Variants in KLF8 observed in about 807,000 individuals in gnomAD.
KLF8 encodes Krueppel-like factor 8.
Under a neutral mutation model 18.2 loss-of-function variants are expected in KLF8, and 10 were observed. The observed-to-expected ratio is 0.55, with a 90% CI of 0.34 to 0.93. The LOEUF is 0.93. Among genes scored for constraint, KLF8 ranks in the 40% least tolerant of loss-of-function variants. The pLI, the probability that KLF8 is intolerant of heterozygous loss-of-function variation, is 0.02. For synonymous variants in KLF8, 109 were observed against 97.3 expected, an observed-to-expected ratio of 1.12 and a Z score of -0.71; for missense variants, 264 against 277.9, an observed-to-expected ratio of 0.95 and a Z score of 0.36.
chrX:56,212,391 G>C, the KLF8 span, among the ~76,000 whole-genome samples: 1 of 112,141 alleles, frequency 8.9e-6, no homozygotes, highest in Non-Finnish European at 1.9e-5. Context: ...TAGGATTCAC[G>C]TAAGTGTTGC....
chrX:56,269,302 C>A, intron 3 of KLF8, 76 bp from the exon 4 acceptor site: 1 of 1,067,888 alleles, frequency 9.4e-7, no homozygotes, highest in Non-Finnish European at 1.2e-6. Flanking sequence ...TAAGGTGGGA[C>A]AAACTGGGAA....
the KLF8 span, among the ~76,000 whole-genome samples, chrX:56,109,835 G>C: frequency 9.1e-6 from 1 of 109,307 alleles, no homozygotes; most frequent in Non-Finnish European, 1.9e-5. Flanking sequence ...GTGTAGGTTT[G>C]TTACATAGAT....
At chrX:56,214,610 C>T in the KLF8 span, among the ~76,000 whole-genome samples, 1 of 112,242 alleles carries the variant, frequency 8.9e-6, no homozygotes, top group Non-Finnish European at 1.9e-5. Context: ...CAGATACATG[C>T]TTAAAGAGAT....
intron 5 of KLF8, among the ~76,000 whole-genome samples, chrX:56,279,772 G>A (rs1432658845): frequency 8.9e-6 from 1 of 111,951 alleles, no homozygotes; most frequent in Non-Finnish European, 1.9e-5. Context: ...TTGGGTGACT[G>A]GGTGAATGGA....
At chrX:56,009,483 T>C in the KLF8 span, among the ~76,000 whole-genome samples, 1 of 110,429 alleles carries the variant, frequency 9.1e-6, no homozygotes, top group Non-Finnish European at 1.9e-5. Context: ...AAGCTAAATA[T>C]AAACTCATGA....
chrX:56,270,398 GA>G lies in KLF8; in HGVS notation c.898+78del, dbSNP rs1393073915. The stretch of plus-strand genomic sequence containing the variant: ...CACACACACGAGAGAGAGAGAGAGA[GA>G]GGGGCAGAGAGAGAGAGAGAGAGGG... On this transcript the variant is annotated intron_variant, in intron 5 of 5. Transcript: ENST00000468660. 30 of 997,609 alleles carry G rather than the reference GA, an allele frequency of 3.0e-5. No homozygotes were observed. The East Asian group carries it at 8.1e-4, about 27-fold the overall frequency. 82.2% of individuals were successfully genotyped at this position (997,609 alleles called of 1,213,427 possible). A position where few individuals can be genotyped will look rare whatever the true frequency, so the allele number is the denominator to read the frequency against.
the KLF8 span, among the ~76,000 whole-genome samples, chrX:56,227,268 A>G: frequency 3.6e-5 from 4 of 112,193 alleles, no homozygotes; most frequent in Non-Finnish European, 7.5e-5. Flanking sequence ...GCTCAGTGAT[A>G]AAAAAGTTCC....
At chrX:56,066,551 T>C in the KLF8 span, among the ~76,000 whole-genome samples, 6 of 111,704 alleles carry the variant, frequency 5.4e-5, no homozygotes, top group Non-Finnish European at 1.1e-4. Flanking sequence ...CACCAGGTGA[T>C]TTTTGCAAGC....
the KLF8 span, among the ~76,000 whole-genome samples, chrX:56,026,227 A>G: frequency 1.8e-5 from 2 of 111,493 alleles, no homozygotes; most frequent in Non-Finnish European, 3.8e-5. Context: ...CCTTTCCATC[A>G]TGGCCGCAGA....
the KLF8 span, among the ~76,000 whole-genome samples, chrX:56,006,808 A>T: frequency 2.7e-5 from 3 of 112,066 alleles, no homozygotes; most frequent in Non-Finnish European, 5.6e-5. Flanking sequence ...CAGTCTGTTG[A>T]CTGTGGCAGG....
the KLF8 span, among the ~76,000 whole-genome samples, chrX:55,941,373 G>C: frequency 8.9e-6 from 1 of 112,015 alleles, no homozygotes; most frequent in Non-Finnish European, 1.9e-5. Context: ...ATTAATTCAA[G>C]TTGGATGAAA....
chrX:56,176,279 T>C, the KLF8 span, among the ~76,000 whole-genome samples: 2 of 111,665 alleles, frequency 1.8e-5, no homozygotes, highest in African/African-American at 3.3e-5. Context: ...CCTTCAGGAG[T>C]TCTTTTAGGG....
the KLF8 span, among the ~76,000 whole-genome samples, chrX:56,118,932 G>T: frequency 1.8e-5 from 2 of 111,600 alleles, no homozygotes; most frequent in Non-Finnish European, 3.8e-5. Context: ...TAGGCTCATA[G>T]TTGGGAGGAG....
At chrX:56,136,518 T>C in the KLF8 span, among the ~76,000 whole-genome samples, 5 of 111,805 alleles carry the variant, frequency 4.5e-5, no homozygotes, top group Non-Finnish European at 9.4e-5. Flanking sequence ...ATTCCCTGTT[T>C]AATAAATGGT....
chrX:56,202,597 G>T, the KLF8 span, among the ~76,000 whole-genome samples: 3 of 62,797 alleles, frequency 4.8e-5, no homozygotes, highest in East Asian at 1.1e-3. Context: ...ATCCTCCCCA[G>T]CCTCTGGAAA....
intron 1 of KLF8, among the ~76,000 whole-genome samples, chrX:56,238,707 C>T (rs1172352285): frequency 8.9e-6 from 1 of 111,885 alleles, no homozygotes; most frequent in African/African-American, 3.3e-5. Context: ...TAAGCTCTTA[C>T]CGCAGTACTC....
chrX:56,079,122 T>A, the KLF8 span, among the ~76,000 whole-genome samples: 5 of 111,028 alleles, frequency 4.5e-5, no homozygotes, highest in South Asian at 1.9e-3. Context: ...TTTTGAAGGG[T>A]TTTTTGTGTC....
At chrX:55,992,231 G>A in the KLF8 span, among the ~76,000 whole-genome samples, 3 of 112,234 alleles carry the variant, frequency 2.7e-5, no homozygotes, top group South Asian at 3.7e-4. Flanking sequence ...TATAGTTTTA[G>A]GTTTTGCATT....
At chrX:56,057,397 A>C in the KLF8 span, among the ~76,000 whole-genome samples, 14 of 111,393 alleles carry the variant, frequency 1.3e-4, no homozygotes, top group African/African-American at 4.6e-4. Context: ...GCATGCATAG[A>C]GGTGCACTGA....
Sources: gnomAD v4.1 joint callset for allele counts (sites outside exome capture counted in the v4.1 genomes callset) on GRCh38, gnomAD v4.1.1 for gene constraint, MANE v1.5 for transcripts, NCBI Gene and HGNC (gene_info 2026-07-23, HGNC 2026-07-21) for gene names.